FUT8: variants seen among roughly 807,000 people sequenced by gnomAD.
FUT8 encodes the protein alpha-(1,6)-fucosyltransferase.
Under a neutral mutation model 71.3 loss-of-function variants are expected in FUT8, and 29 were observed. The ratio of observed to expected loss-of-function variants is 0.41; its 90% CI spans 0.30 to 0.55. The LOEUF is 0.55. Among genes scored for constraint, FUT8 ranks in the 20% least tolerant of loss-of-function variants. The probability of loss-of-function intolerance (pLI) is 0.34; values close to 1 mark genes in which losing one functional copy is unlikely to be tolerated. For synonymous variants in FUT8, 254 were observed against 239.3 expected (o/e 1.06, Z -0.57); for missense variants, 544 against 702.1 (o/e 0.77, Z 2.55).
chr14:65,506,371 G>A (rs548653607), intron 2 of FUT8, among the ~76,000 whole-genome samples: 22 of 152,288 alleles, frequency 1.4e-4, no homozygotes, highest in African/African-American at 5.3e-4. Context: ...CTATACAGTG[G>A]ACTAAGATTT....
intron 1 of FUT8, among the ~76,000 whole-genome samples, chr14:65,421,224 G>C (rs942262183): frequency 2.0e-5 from 3 of 149,364 alleles, no homozygotes; most frequent in Non-Finnish European, 3.0e-5. Context: ...AAATCATAAG[G>C]AAGAGAGAAT....
At chr14:65,725,359 T>TC (rs1895625066) in intron 9 of FUT8, among the ~76,000 whole-genome samples, 1 of 152,190 alleles carries the variant, frequency 6.6e-6, no homozygotes, top group South Asian at 2.1e-4. Flanking sequence ...TGAGTAACAC[T>TC]ATTATAGGGT....
chr14:65,587,156 T>A (rs1167395045), intron 3 of FUT8, among the ~76,000 whole-genome samples: 1 of 147,732 alleles, frequency 6.8e-6, no homozygotes, highest in Non-Finnish European at 1.5e-5. Flanking sequence ...GCCACTGCAC[T>A]CCAGCCTGGG....
chr14:65,596,579 G>A lies in FUT8; in HGVS notation c.204-19399G>A, dbSNP rs182813220. On this transcript the variant is annotated intron_variant, in intron 3 of 10. Coordinates refer to ENST00000673929, the MANE Select transcript of FUT8 (RefSeq NM_001371533.1). ...CTTCAGGTTTTTGAAGGAGATGATG[G>A]TATGGATTTGCAGAATAGTTAGGGG... Among the ~76,000 whole-genome samples the A allele has an allele frequency of 1.5e-3, 224 of 152,266 alleles. 2 individuals are homozygous for A. The highest frequency in any genetic ancestry group is 5.2e-3 in the African/African-American group (215 of 41,560).
chr14:65,618,010 CATATATATATAT>C (rs149450437), intron 5 of FUT8, among the ~76,000 whole-genome samples: 2,639 of 86,954 alleles, frequency 0.03, 64 homozygotes, highest in African/African-American at 0.051. Flanking sequence ...AAAATTAATT[CATATATATATAT>C]ATATATATAT....
intron 7 of FUT8, among the ~76,000 whole-genome samples, chr14:65,714,086 A>G (rs1035057911): frequency 2.6e-5 from 4 of 152,174 alleles, no homozygotes; most frequent in Non-Finnish European, 4.4e-5. Context: ...TCCTGAGCAT[A>G]TGGATATCCA....
chr14:65,462,239 ATTAAT>A (rs1206582327), intron 2 of FUT8, among the ~76,000 whole-genome samples: 1 of 152,184 alleles, frequency 6.6e-6, no homozygotes, highest in African/African-American at 2.4e-5. Context: ...GCTTGCGTAA[ATTAAT>A]TTGTTTATTT....
chr14:65,554,489 C>T, intron 2 of FUT8, among the ~76,000 whole-genome samples: 1 of 148,716 alleles, frequency 6.7e-6, no homozygotes, highest in African/African-American at 2.5e-5. Context: ...TTGTTGCATG[C>T]CAGACATTTT....
chr14:65,688,520 C>CAAA (rs34293733), intron 7 of FUT8, among the ~76,000 whole-genome samples: 652 of 55,044 alleles, frequency 0.012, 19 homozygotes, highest in African/African-American at 0.036. Flanking sequence ...ATCCACATGC[C>CAAA]AAAAAAAAAA....
Position 65,574,271 on chromosome 14 carries a change from A to G in FUT8, c.203+12505A>G, listed in dbSNP as rs557909869. On this transcript the variant is annotated intron_variant, in intron 3 of 10. Coordinates refer to ENST00000673929, the MANE Select transcript of FUT8 (RefSeq NM_001371533.1). This position sits in a 1 kb window ranked among gnomAD's most constrained non-coding sequence, Gnocchi z 5.2. ...AGCAAGATAAAGTTTCAGTCTTTTT[A>G]AACACAGTCATGGAAGATACATTCC... Among the ~76,000 whole-genome samples, 1 of 152,254 alleles carries G rather than the reference A, an allele frequency of 6.6e-6. No homozygotes were observed. Among genetic ancestry groups the G allele is most frequent in the African/African-American group, 2.4e-5 (1 of 41,526 alleles).
chr14:65,410,342 C>A (rs2065109378), upstream of FUT8, among the ~76,000 whole-genome samples: 1 of 152,274 alleles, frequency 6.6e-6, no homozygotes, highest in Middle Eastern at 3.4e-3. Context: ...TTGACAGAGA[C>A]CTCCAGTTTT....
At chr14:65,524,586 C>G (rs1883316464) in intron 2 of FUT8, among the ~76,000 whole-genome samples, 1 of 152,102 alleles carries the variant, frequency 6.6e-6, no homozygotes, top group Non-Finnish European at 1.5e-5. Context: ...GCCCGATTGC[C>G]CTGGCCAGAA....
chr14:65,529,634 G>A (rs1241420266), intron 2 of FUT8: 1 of 152,894 alleles, frequency 6.5e-6, no homozygotes, highest in East Asian at 1.9e-4. Context: ...GTTGGCTGTG[G>A]TGGCTGCTAT....
chr14:65,713,498 T>C (rs1369191162), intron 7 of FUT8, among the ~76,000 whole-genome samples: 2 of 152,248 alleles, frequency 1.3e-5, no homozygotes, highest in African/African-American at 4.8e-5. Context: ...GTAGTGGTTG[T>C]ACTAATTTAC....
At chr14:65,649,910 G>T (rs186800350) in intron 6 of FUT8, among the ~76,000 whole-genome samples, 173 of 152,174 alleles carry the variant, frequency 1.1e-3, no homozygotes, top group African/African-American at 3.9e-3. Context: ...AGAATATATT[G>T]GGCTTAAAAT....
intron 2 of FUT8, among the ~76,000 whole-genome samples, chr14:65,520,768 TATC>T (rs993903340): frequency 2.0e-5 from 3 of 152,126 alleles, no homozygotes; most frequent in African/African-American, 7.2e-5. Context: ...AGTTAAAAGT[TATC>T]ATTATTCTTT....
At chr14:65,526,110 A>G (rs376270082) in intron 2 of FUT8, among the ~76,000 whole-genome samples, 3 of 152,008 alleles carry the variant, frequency 2.0e-5, no homozygotes, top group African/African-American at 7.2e-5. Flanking sequence ...CAATTCCTGG[A>G]TATCCTTGTT....
intron 3 of FUT8, among the ~76,000 whole-genome samples, chr14:65,569,401 A>G (rs909393633): frequency 2.6e-5 from 4 of 151,476 alleles, no homozygotes; most frequent in African/African-American, 9.7e-5. Flanking sequence ...GTCTTTCATG[A>G]TCTAATTTCT....
chr14:65,703,398 A>G (rs1166839370), intron 7 of FUT8, among the ~76,000 whole-genome samples: 3 of 152,180 alleles, frequency 2.0e-5, no homozygotes, highest in Non-Finnish European at 2.9e-5. Context: ...CTTCTTCCCA[A>G]TTAAACCCAA....
Sources: allele counts gnomAD v4.1 joint callset (sites outside exome capture counted in the v4.1 genomes callset), GRCh38; gene constraint gnomAD v4.1.1; non-coding constraint Gnocchi (gnomAD v3.1); transcripts MANE v1.5; gene names NCBI Gene and HGNC (gene_info 2026-07-23, HGNC 2026-07-21).